PSD3: variants seen among roughly 807,000 people sequenced by gnomAD.
PSD3 encodes the protein pleckstrin and Sec7 domain containing 3, also known as PH and SEC7 domain-containing protein 3.
PSD3 carries 49 observed loss-of-function variants against 105.5 expected under a neutral mutation model. The ratio of observed to expected loss-of-function variants is 0.46; its 90% CI spans 0.37 to 0.59. The LOEUF is 0.59. Ranked by LOEUF, PSD3 falls within the 20% of genes least tolerant of loss-of-function variation. The probability of loss-of-function intolerance (pLI) is 0.00; values close to 1 mark genes in which losing one functional copy is unlikely to be tolerated. For synonymous variants in PSD3, 557 were observed against 457.8 expected (o/e 1.22, Z -2.77); for missense variants, 1,561 against 1,263.8 (o/e 1.24, Z -3.57).
At chr8:18,624,899 A>G (rs1352866146) in intron 11 of PSD3, among the ~76,000 whole-genome samples, 1 of 151,924 alleles carries the variant, frequency 6.6e-6, no homozygotes, top group Non-Finnish European at 1.5e-5. Context: ...GTATGTATAT[A>G]CGTATGCCTG....
At chr8:18,947,043 G>A (rs1450100508) in intron 1 of PSD3, among the ~76,000 whole-genome samples, 1 of 152,080 alleles carries the variant, frequency 6.6e-6, no homozygotes, top group Non-Finnish European at 1.5e-5. Context: ...CAAAGGGGAT[G>A]GCTCACGTAT....
At chr8:18,769,534 G>C (rs1360524438) in intron 8 of PSD3, among the ~76,000 whole-genome samples, 1 of 152,102 alleles carries the variant, frequency 6.6e-6, no homozygotes, top group African/African-American at 2.4e-5. Flanking sequence ...ATAATTCAGT[G>C]ATTTTTAATA....
At chr8:18,641,928 T>C (rs973434190) in intron 10 of PSD3, among the ~76,000 whole-genome samples, 2 of 152,184 alleles carry the variant, frequency 1.3e-5, no homozygotes, top group African/African-American at 4.8e-5. Context: ...AAGCATGTAG[T>C]TAAATTTTAA....
chr8:18,731,602 A>T (rs1803755833), intron 9 of PSD3, among the ~76,000 whole-genome samples: 1 of 152,224 alleles, frequency 6.6e-6, no homozygotes, highest in African/African-American at 2.4e-5. Flanking sequence ...CAAAAAACTG[A>T]CAACGAAATG....
rs71217391 is a variant in PSD3, at chr8:18,616,628, C to CTTTTTTTTTTTT, written c.2410+15973_2410+15984dup. ...GCCTCATCTTCCTCTCTTTTCTTTT[C>CTTTTTTTTTTTT]TTTTTTTTTTTTTGAGACGGAGTCT... On this transcript the variant is annotated intron_variant, in intron 11 of 15. Coordinates refer to ENST00000327040, the MANE Select transcript of PSD3 (RefSeq NM_015310.4). 1.1e-3 allele frequency among the ~76,000 whole-genome samples: 145 copies of CTTTTTTTTTTTT among 126,752 alleles called. 2 individuals are homozygous for CTTTTTTTTTTTT. Among genetic ancestry groups the CTTTTTTTTTTTT allele is most frequent in the African/African-American group, 3.6e-3 (120 of 33,476 alleles). The allele number at this position is 126,752 out of a possible 152,430, so 83.2% of individuals were successfully genotyped here. A position where few individuals can be genotyped will look rare whatever the true frequency, so the allele number is the denominator to read the frequency against.
chr8:18,583,290 T>C (rs1272540910), intron 12 of PSD3, among the ~76,000 whole-genome samples: 1 of 151,922 alleles, frequency 6.6e-6, no homozygotes, highest in Non-Finnish European at 1.5e-5. Flanking sequence ...AATAGAAAAA[T>C]TAGTCAGGTG....
intron 9 of PSD3, among the ~76,000 whole-genome samples, chr8:18,697,024 C>CTTGAGCCCAGGGGT (rs369551841): frequency 0.062 from 2,059 of 33,376 alleles, 50 homozygotes; most frequent in African/African-American, 0.18. Context: ...GGGAGGATCA[C>CTTGAGCCCAGGGGT]TTGAGCCCAG....
chr8:19,052,756 G>A lies in PSD3; in HGVS notation c.324+31450C>T, dbSNP rs78503842. Among the ~76,000 whole-genome samples, 305 of 152,056 alleles carry A rather than the reference G, an allele frequency of 2.0e-3. 5 individuals are homozygous for A. In the East Asian group the frequency reaches 0.044, roughly 22 times the overall value. On this transcript the variant is annotated intron_variant, in intron 1 of 1. Transcript: ENST00000521475. Reference sequence around the variant, plus strand: ...GTTGCTGCCAATCTTGGTGACGGCTGAAGGTCAGGACTTGAGCCCCCTAAG... The same window carrying A: ...GTTGCTGCCAATCTTGGTGACGGCTAAAGGTCAGGACTTGAGCCCCCTAAG...
chr8:18,809,873 C>G (rs1811546259), intron 4 of PSD3, among the ~76,000 whole-genome samples: 1 of 151,998 alleles, frequency 6.6e-6, no homozygotes, highest in Non-Finnish European at 1.5e-5. Context: ...AAAACAAAAA[C>G]AAAAACACAA....
At chr8:18,725,130 T>C (rs1016439331) in intron 9 of PSD3, among the ~76,000 whole-genome samples, 2 of 152,174 alleles carry the variant, frequency 1.3e-5, no homozygotes, top group African/African-American at 4.8e-5. Context: ...CCCATCATAT[T>C]TCCTATGTAA....
chr8:18,662,163 T>C (rs946891937), intron 9 of PSD3, among the ~76,000 whole-genome samples: 1 of 152,200 alleles, frequency 6.6e-6, no homozygotes, highest in Non-Finnish European at 1.5e-5. Flanking sequence ...CAAATTCGTA[T>C]TAATGAACAC....
In PSD3 at chr8:18,793,753, G is replaced by A. The variant is rs73666722; in HGVS notation, c.2082+5542C>T. ...ATACAGAGAAGCACAGACAGAAGAG[G>A]TATCCACAGGGAAGATATTATCCTG... On this transcript the variant is annotated intron_variant, in intron 8 of 15. Coordinates refer to ENST00000327040, the MANE Select transcript of PSD3 (RefSeq NM_015310.4). 5.7e-3 allele frequency among the ~76,000 whole-genome samples: 862 copies of A among 152,254 alleles called. 9 individuals are homozygous for A. The highest frequency in any genetic ancestry group is 0.019 in the African/African-American group (799 of 41,540).
chr8:18,537,957 G>A (rs1799931899), intron 15 of PSD3, among the ~76,000 whole-genome samples: 1 of 152,212 alleles, frequency 6.6e-6, no homozygotes, highest in Non-Finnish European at 1.5e-5. Flanking sequence ...GATTACAGGC[G>A]TGAGCCACTG....
At chr8:18,702,429 C>T (rs1386001513) in intron 9 of PSD3, among the ~76,000 whole-genome samples, 7 of 152,070 alleles carry the variant, frequency 4.6e-5, no homozygotes, top group Non-Finnish European at 1.0e-4. Flanking sequence ...CTGTTTTCCC[C>T]TTTTTGTATT....
At chr8:18,605,194 C>T (rs2263520) in intron 11 of PSD3, among the ~76,000 whole-genome samples, 110,105 of 152,102 alleles carry the variant, frequency 0.72, 40,087 homozygotes, top group East Asian at 0.82. Context: ...ATCCCATGAG[C>T]GCAGCTGCAG....
At chr8:18,967,807 C>T (rs1824375538) in intron 1 of PSD3, among the ~76,000 whole-genome samples, 3 of 152,174 alleles carry the variant, frequency 2.0e-5, no homozygotes, top group Admixed American at 2.0e-4. Flanking sequence ...AAGATACACA[C>T]AGGTTATCAG....
intron 3 of PSD3, 43 bp downstream of exon 3, chr8:18,871,583 T>G (rs759758739): frequency 6.5e-7 from 1 of 1,538,166 alleles, no homozygotes; most frequent in Admixed American, 2.1e-5. Context: ...TTCTATGATA[T>G]GTACCAGGCA....
intron 9 of PSD3, among the ~76,000 whole-genome samples, chr8:18,667,301 C>T (rs1799527015): frequency 6.6e-6 from 1 of 152,068 alleles, no homozygotes; most frequent in South Asian, 2.1e-4. Flanking sequence ...CAAAACTTCT[C>T]CACCTACCCA....
At chr8:18,622,116 G>C (rs1302534639) in intron 11 of PSD3, among the ~76,000 whole-genome samples, 5 of 152,146 alleles carry the variant, frequency 3.3e-5, no homozygotes, top group African/African-American at 1.2e-4. Flanking sequence ...AGATTGAAAA[G>C]CTGAACCACA....
Sources: allele counts gnomAD v4.1 joint callset (sites outside exome capture counted in the v4.1 genomes callset), GRCh38; gene constraint gnomAD v4.1.1; transcripts MANE v1.5; gene names NCBI Gene and HGNC (gene_info 2026-07-23, HGNC 2026-07-21).